The following PPCS variants were observed in gnomAD, a reference collection of about 807,000 sequenced individuals.
The protein encoded by PPCS is phosphopantothenoylcysteine synthetase, also known as phosphopantothenate--cysteine ligase.
A neutral mutation model predicts 24.6 loss-of-function variants in PPCS; 17 were observed. The ratio of observed to expected loss-of-function variants is 0.69; its 90% CI spans 0.47 to 1.04. PPCS has a LOEUF of 1.04. Ranked by LOEUF, PPCS falls within the 50% of genes least tolerant of loss-of-function variation. The pLI is 0.00. For synonymous variants in PPCS, 190 were observed against 168.3 expected (o/e 1.13, Z -1.00); for missense variants, 360 against 402.8 (o/e 0.89, Z 0.91).
At chr1:42,463,459 A>T (rs2275117), downstream of PPCS, 1 of 151,980 alleles carries the variant, frequency 6.6e-6, no homozygotes, top group Non-Finnish European at 1.5e-5. Context: ...TTTCCGCATT[A>T]CGGGCCTTTT....
At chr1:42,464,567 AAAAT>A (rs1375805363), downstream of PPCS, among the ~76,000 whole-genome samples, 1 of 152,244 alleles carries the variant, frequency 6.6e-6, no homozygotes, top group Non-Finnish European at 1.5e-5. Flanking sequence ...GGAGTGATTG[AAAAT>A]AAATATTTTT....
chr1:42,469,963 G>A (rs985905189), intron 2 of PPCS, among the ~76,000 whole-genome samples: 2 of 152,202 alleles, frequency 1.3e-5, no homozygotes, highest in Admixed American at 6.5e-5. Context: ...CCATGAATTT[G>A]TAATGGTTCA....
chr1:42,465,425 C>T (rs534712809), downstream of PPCS, among the ~76,000 whole-genome samples: 35 of 152,244 alleles, frequency 2.3e-4, no homozygotes, highest in Non-Finnish European at 4.3e-4. Flanking sequence ...ATTGCAATGG[C>T]GCGATCTTGG....
At chr1:42,457,492 C>T (rs1233703241) in intron 2 of PPCS, 142 bp downstream of exon 2, 1 of 689,080 alleles carries the variant, frequency 1.5e-6, no homozygotes, top group Non-Finnish European at 2.6e-6. Flanking sequence ...CGCCCTCCCT[C>T]ATGGACCTCA....
rs1231658706 is a variant in PPCS, at chr1:42,460,140, CT to C, written c.*217del. The C allele has an allele frequency of 8.5e-6, 11 of 1,286,774 alleles. No individual in the cohort carries two copies. Among genetic ancestry groups the C allele is most frequent in the Non-Finnish European group, 1.1e-5 (11 of 1,019,346 alleles). The allele number at this position is 1,286,774 out of a possible 1,614,324, so 79.7% of individuals were successfully genotyped here. ...ATTGAACACTAGAACTGTTAATCAC[CT>C]TTAAAAAGAAGAGCTTATTGGGAAT... On this transcript the variant is annotated 3_prime_UTR_variant, in exon 3 of 3. Transcript: ENST00000372561.
chr1:42,471,096 T>A lies in PPCS; in HGVS notation n.378-2026T>A, dbSNP rs552193490. Among the ~76,000 whole-genome samples the A allele has an allele frequency of 8.5e-5, 13 of 152,284 alleles. 1 individual carries two copies. Among genetic ancestry groups the A allele is most frequent in the Admixed American group, 7.2e-4 (11 of 15,292 alleles). The stretch of plus-strand genomic sequence containing the variant: ...AAGGACTCAGGTGTAGCCATGAGGA[T>A]GGGCAGCTAAATAAAATGTGCATAA... On this transcript the variant is annotated intron_variant and non_coding_transcript_variant, in intron 2 of 2. Transcript: ENST00000471420.
Position 42,459,700 on chromosome 1 carries a change from C to T in PPCS, c.710C>T (p.Ala237Val), listed in dbSNP as rs755519019. 5 of 1,614,046 alleles carry T rather than the reference C, an allele frequency of 3.1e-6. No individual in the cohort carries two copies. The highest frequency in any genetic ancestry group is 3.3e-5 in the Admixed American group (2 of 60,010). ...IISFKLETDP[A>V]IVINRARKAL... ...TCCTTTAAGTTGGAGACTGACCCCG[C>T]CATTGTAATTAATCGAGCTCGGAAG... The change falls in exon 3 of 3, where the codon GCC becomes GTC. Residue 237 changes from alanine (A) to valine (V), a missense_variant. Coordinates refer to ENST00000372561, the MANE Select transcript of PPCS (RefSeq NM_024664.4).
chr1:42,468,180 C>T (rs1017062497), intron 2 of PPCS, among the ~76,000 whole-genome samples: 3 of 152,052 alleles, frequency 2.0e-5, no homozygotes, highest in South Asian at 2.1e-4. Context: ...AATAATAATG[C>T]GTTGAAAAAG....
intron 2 of PPCS, chr1:42,457,627 T>C (rs1184038557): frequency 2.2e-6 from 1 of 446,214 alleles, no homozygotes; most frequent in East Asian, 4.1e-5. Flanking sequence ...TCGATGAAGC[T>C]TCTTGGAGGA....
chr1:42,468,980 T>C (rs1329706961), intron 2 of PPCS, among the ~76,000 whole-genome samples: 6 of 150,200 alleles, frequency 4.0e-5, no homozygotes, highest in Non-Finnish European at 8.9e-5. Flanking sequence ...GCTAGAGACA[T>C]AGGAGTCAAA....
chr1:42,468,330 G>A (rs181607698), intron 2 of PPCS, among the ~76,000 whole-genome samples: 79 of 152,282 alleles, frequency 5.2e-4, no homozygotes, highest in African/African-American at 1.8e-3. Flanking sequence ...TCCAGCTTAT[G>A]GTGCCCAGGA....
Position 42,460,493 on chromosome 1 carries a change from G to A in PPCS, c.*567G>A. The A allele has an allele frequency of 3.6e-6, 2 of 558,300 alleles. No individual in the cohort carries two copies. Among genetic ancestry groups the A allele is most frequent in the Non-Finnish European group, 4.6e-6 (2 of 439,176 alleles). The allele number at this position is 558,300 out of a possible 1,614,324, so 34.6% of individuals were successfully genotyped here. On this transcript the variant is annotated 3_prime_UTR_variant, in exon 3 of 3. Transcript: ENST00000372561. ...CTCCCTGAAGATAGATTGTAGAATG[G>A]TGAGCTTTTCACTGCATTTACTTTT...
chr1:42,460,966 A>C lies in PPCS; in HGVS notation c.*1040A>C, dbSNP rs1643395030. 6.6e-6 allele frequency among the ~76,000 whole-genome samples: 1 copy of C among 152,182 alleles called. No individual in the cohort carries two copies. Among genetic ancestry groups the C allele is most frequent in the Admixed American group, 6.5e-5 (1 of 15,276 alleles). On this transcript the variant is annotated 3_prime_UTR_variant, in exon 3 of 3. Coordinates refer to ENST00000372561, the MANE Select transcript of PPCS (RefSeq NM_024664.4). ...TTGAATCCTTGAGAATCTTTGAAAA[A>C]CTTTCAATACTTCTCTTGCTGTCCT...
downstream of PPCS, chr1:42,463,422 A>C (rs906484195): frequency 4.6e-5 from 7 of 152,262 alleles, no homozygotes; most frequent in African/African-American, 1.7e-4. Flanking sequence ...CTCAGCCCCA[A>C]GGAGGAAAGC....
chr1:42,460,189 T>TG lies in PPCS; in HGVS notation c.*268dup, dbSNP rs1643372589. 1.7e-6 allele frequency: 2 copies of TG among 1,155,320 alleles called. No individual in the cohort carries two copies. The highest frequency in any genetic ancestry group is 2.1e-6 in the Non-Finnish European group (2 of 937,530). 71.6% of individuals were successfully genotyped at this position (1,155,320 alleles called of 1,614,324 possible). On this transcript the variant is annotated 3_prime_UTR_variant, in exon 3 of 3. Coordinates refer to ENST00000372561, the MANE Select transcript of PPCS (RefSeq NM_024664.4). Reference sequence around the variant, plus strand: ...AATTATATATTCCTTAAAATATACATGGGGGCCTGAATGTCAGCCATCTTT... The same window carrying TG: ...AATTATATATTCCTTAAAATATACATGGGGGGCCTGAATGTCAGCCATCTTT...
At chr1:42,470,862 A>T (rs957774862) in intron 2 of PPCS, among the ~76,000 whole-genome samples, 3 of 152,204 alleles carry the variant, frequency 2.0e-5, no homozygotes, top group Non-Finnish European at 4.4e-5. Flanking sequence ...ATAATGAAAA[A>T]TTTCTGGAAA....
In PPCS at chr1:42,461,013, C is replaced by T. The variant is rs540490759; in HGVS notation, c.*1087C>T. Among the ~76,000 whole-genome samples, 7 of 152,270 alleles carry T rather than the reference C, an allele frequency of 4.6e-5. 1 individual carries two copies. In the South Asian group the frequency reaches 1.5e-3, roughly 32 times the overall value. On this transcript the variant is annotated 3_prime_UTR_variant, in exon 3 of 3. Coordinates refer to ENST00000372561, the MANE Select transcript of PPCS (RefSeq NM_024664.4). Reference sequence around the variant, plus strand: ...TCCTACGTTTTGGGTTTGGAGTGCACAAGTAGCATAGTGCAAAAAAATTCC... The same window carrying T: ...TCCTACGTTTTGGGTTTGGAGTGCATAAGTAGCATAGTGCAAAAAAATTCC...
intron 2 of PPCS, among the ~76,000 whole-genome samples, chr1:42,472,041 G>A (rs570223088): frequency 1.8e-4 from 28 of 152,252 alleles, no homozygotes; most frequent in Non-Finnish European, 4.1e-4. Flanking sequence ...ATCACTTGAG[G>A]TCAGGAGTTC....
At position 42,460,075 on chromosome 1, in the gene PPCS, CTT is replaced by C; in HGVS notation, c.*152_*153del. On this transcript the variant is annotated 3_prime_UTR_variant, in exon 3 of 3. Transcript: ENST00000372561. Reference sequence around the variant, plus strand: ...TAGGCAAATATGGTTTGGCATTTGTCTTTTAATGACACCTGATATGATGTCAT... The same window carrying C: ...TAGGCAAATATGGTTTGGCATTTGTCTTAATGACACCTGATATGATGTCAT... 7.1e-7 allele frequency: 1 copy of C among 1,406,228 alleles called. No homozygotes were observed. The highest frequency in any genetic ancestry group is 9.2e-7 in the Non-Finnish European group (1 of 1,084,908). The allele number at this position is 1,406,228 out of a possible 1,614,324, so 87.1% of individuals were successfully genotyped here.
Sources: gnomAD v4.1 joint callset for allele counts (sites outside exome capture counted in the v4.1 genomes callset) on GRCh38, gnomAD v4.1.1 for gene constraint, MANE v1.5 for transcripts, NCBI Gene and HGNC (gene_info 2026-07-23, HGNC 2026-07-21) for gene names.